The following CCSAP variants were observed in gnomAD, a reference collection of about 807,000 sequenced individuals.
CCSAP encodes the protein centriole, cilia and spindle associated protein.
In CCSAP, 17 loss-of-function variants were observed where a neutral mutation model predicts 25.9. The ratio of observed to expected loss-of-function variants is 0.66; its 90% confidence interval spans 0.45 to 0.99. The LOEUF (loss-of-function observed/expected upper bound fraction) is 0.99, where lower values mean the gene tolerates loss of function less well. Among genes scored for constraint, CCSAP ranks in the 50% least tolerant of loss-of-function variants. The pLI is 0.00. For synonymous variants in CCSAP, 169 were observed against 157.1 expected (o/e 1.08, Z -0.57); for missense variants, 339 against 367.8 (o/e 0.92, Z 0.64).
Position 229,323,999 on chromosome 1 carries a change from A to G in CCSAP, c.*1236T>C, listed in dbSNP as rs780242147. 1.3e-5 allele frequency: 2 copies of G among 152,626 alleles called. No homozygotes were observed. The highest frequency in any genetic ancestry group is 2.4e-5 in the African/African-American group (1 of 41,456). 9.5% of individuals were successfully genotyped at this position (152,626 alleles called of 1,614,324 possible). Reference sequence around the variant, plus strand: ...AGACATCATTCATTTGATGGAAACCAGTGTTTGTTAAAACCATTTTTCTAC... The same window carrying G: ...AGACATCATTCATTTGATGGAAACCGGTGTTTGTTAAAACCATTTTTCTAC... On this transcript the variant is annotated 3_prime_UTR_variant, in exon 4 of 4. Transcript: ENST00000284617.
intron 2 of CCSAP, among the ~76,000 whole-genome samples, chr1:229,341,875 A>T (rs1438840914): frequency 6.6e-6 from 1 of 151,822 alleles, no homozygotes; most frequent in Non-Finnish European, 1.5e-5. Context: ...GCTTCAATTG[A>T]GTTCACCGCT....
intron 2 of CCSAP, among the ~76,000 whole-genome samples, chr1:229,330,567 G>A (rs1230453270): frequency 6.6e-6 from 1 of 152,264 alleles, no homozygotes; most frequent in East Asian, 1.9e-4. Flanking sequence ...TGCAGGCCGG[G>A]CGCGGTGGCT....
chr1:229,338,897 G>T (rs1451636959), intron 2 of CCSAP, among the ~76,000 whole-genome samples: 2 of 151,936 alleles, frequency 1.3e-5, no homozygotes, highest in African/African-American at 2.4e-5. Flanking sequence ...AACAATTCAA[G>T]AGCTCTTACA....
intron 2 of CCSAP, among the ~76,000 whole-genome samples, chr1:229,331,725 C>T (rs1658070538): frequency 6.6e-6 from 1 of 151,846 alleles, no homozygotes; most frequent in Non-Finnish European, 1.5e-5. Context: ...ATGGAAGCTT[C>T]TCACCCCTTT....
intron 3 of CCSAP, among the ~76,000 whole-genome samples, chr1:229,326,398 G>A (rs1469726032): frequency 3.3e-5 from 5 of 152,348 alleles, no homozygotes; most frequent in Middle Eastern, 3.4e-3. Context: ...CAGATGGGCC[G>A]TCGCCAGCCT....
intron 2 of CCSAP, among the ~76,000 whole-genome samples, chr1:229,330,410 A>C (rs942630394): frequency 2.0e-5 from 3 of 152,210 alleles, no homozygotes; most frequent in Non-Finnish European, 4.4e-5. Context: ...GCCGGAAGAC[A>C]GGAGGTGCAA....
rs1419765601 is a variant in CCSAP at position 229,342,833 on chromosome 1, G to A, written c.-49+79C>T. 5.9e-6 allele frequency: 1 copy of A among 170,860 alleles called. No individual in the cohort carries two copies. Among genetic ancestry groups the A allele is most frequent in the East Asian group, 1.6e-4 (1 of 6,212 alleles). 10.6% of individuals were successfully genotyped at this position (170,860 alleles called of 1,614,324 possible). A position where few individuals can be genotyped will look rare whatever the true frequency, so the allele number is the denominator to read the frequency against. On this transcript the variant is annotated intron_variant, in intron 1 of 3. Coordinates refer to ENST00000284617, the MANE Select transcript of CCSAP (RefSeq NM_145257.5). This position sits in a 1 kb window ranked among gnomAD's most constrained non-coding sequence, Gnocchi z 7.5. ...AGGAGGAGCGAGGGAGGGGAGCGGC[G>A]GGGCCCGTGATCGGGTGGTCCTGGG...
Position 229,325,262 on chromosome 1 carries a change from G to A in CCSAP, c.786C>T (p.Tyr262=). 1 of 1,613,440 alleles carries A rather than the reference G, an allele frequency of 6.2e-7. No homozygotes were observed. ...AAGCTCTTGCCGAATAGCACCTCAT[G>A]TATTCTGTCATCCACGGGTTCTCTG... ...SSSENPWMTE[Y]MRCYSARA is the part of the protein sequence containing the mutation. The change falls in exon 4 of 4, where the codon TAC becomes TAT. Residue 262 remains tyrosine, a synonymous_variant. Transcript: ENST00000284617.
Position 229,328,479 on chromosome 1 carries a change from A to ATT in CCSAP, c.368-1475_368-1474dup, listed in dbSNP as rs1553304443. 2.6e-5 allele frequency among the ~76,000 whole-genome samples: 4 copies of ATT among 151,366 alleles called. No homozygotes were observed. In the South Asian group the frequency reaches 6.3e-4, roughly 24 times the overall value. On this transcript the variant is annotated intron_variant, in intron 2 of 3. Transcript: ENST00000284617. ...CCATGCCCAGGCAATTTACAAAAAA[A>ATT]TTTTTTTTGTAGAGATGGGTTCTTG...
intron 3 of CCSAP, among the ~76,000 whole-genome samples, chr1:229,325,750 G>A (rs534457214): frequency 2.4e-4 from 36 of 152,306 alleles, no homozygotes; most frequent in East Asian, 1.3e-3. Flanking sequence ...TTTAATTAAC[G>A]ACTTATAAAC....
intron 2 of CCSAP, among the ~76,000 whole-genome samples, chr1:229,327,935 A>C (rs945148023): frequency 1.1e-4 from 17 of 151,472 alleles, no homozygotes; most frequent in African/African-American, 4.1e-4. Context: ...AACGGAAATT[A>C]CCCCATGAAA....
chr1:229,326,146 G>T (rs564785709), intron 3 of CCSAP, among the ~76,000 whole-genome samples: 1 of 152,270 alleles, frequency 6.6e-6, no homozygotes, highest in East Asian at 1.9e-4. Context: ...AATGTTTCCG[G>T]GTCTTGACAC....
rs989719080 is a variant in CCSAP at position 229,322,048 on chromosome 1, GA to G, written c.*3186del. 3 of 152,210 alleles carry G rather than the reference GA, an allele frequency of 2.0e-5. No individual in the cohort carries two copies. Among genetic ancestry groups the G allele is most frequent in the Non-Finnish European group, 4.4e-5 (3 of 68,028 alleles). 9.4% of individuals were successfully genotyped at this position (152,210 alleles called of 1,614,324 possible). A position where few individuals can be genotyped will look rare whatever the true frequency, so the allele number is the denominator to read the frequency against. ...TATGCAAATACTACACCATTTTATA[GA>G]AGGGGTTTGAGTATCCATGGAGTTT... On this transcript the variant is annotated 3_prime_UTR_variant, in exon 4 of 4. Coordinates refer to ENST00000284617, the MANE Select transcript of CCSAP (RefSeq NM_145257.5).
intron 2 of CCSAP, among the ~76,000 whole-genome samples, chr1:229,330,198 C>A (rs552874899): frequency 6.6e-6 from 1 of 152,314 alleles, no homozygotes; most frequent in East Asian, 1.9e-4. Context: ...TCTGTGGCTC[C>A]TGCAGGTGTT....
intron 2 of CCSAP, among the ~76,000 whole-genome samples, chr1:229,337,678 A>AAAAAAAAAAAATATAT: frequency 4.3e-4 from 28 of 65,494 alleles, no homozygotes; most frequent in East Asian, 9.5e-4. Flanking sequence ...CTCAAAAAAA[A>AAAAAAAAAAAATATAT]ATATATATAT....
At chr1:229,330,618 G>A (rs1402521616) in intron 2 of CCSAP, among the ~76,000 whole-genome samples, 4 of 152,148 alleles carry the variant, frequency 2.6e-5, no homozygotes, top group Non-Finnish European at 5.9e-5. Context: ...CGAGGCGGGC[G>A]GATCACGAGG....
chr1:229,337,690 T>TATATACAC (rs1658225233), intron 2 of CCSAP, among the ~76,000 whole-genome samples: 1 of 48,388 alleles, frequency 2.1e-5, no homozygotes, highest in Non-Finnish European at 4.5e-5. Flanking sequence ...TATATATATA[T>TATATACAC]ATATATATAC....
In CCSAP at chr1:229,326,741, G is replaced by A. The variant is rs751044913; in HGVS notation, c.633C>T (p.His211=). 25 of 1,613,938 alleles carry A rather than the reference G, an allele frequency of 1.5e-5. No homozygotes were observed. In the South Asian group the frequency reaches 1.6e-4, roughly 11 times the overall value. ...ACCACAAGGGCCCAGAGCGCACCTC[G>A]TGCACAGGAGCGGACGCACAGACGT... is the stretch of plus-strand genomic sequence containing the variant. ...THNVCASAPV[H]EIHESALRAK... Residue 211 remains histidine, a synonymous_variant, in exon 3 of 4, where the codon CAC becomes CAT. Coordinates refer to ENST00000284617, the MANE Select transcript of CCSAP (RefSeq NM_145257.5).
At chr1:229,339,863 C>T (rs238080) in intron 2 of CCSAP, among the ~76,000 whole-genome samples, 47,479 of 151,966 alleles carry the variant, frequency 0.31, 7,727 homozygotes, top group East Asian at 0.41. Flanking sequence ...TCTATGAGGA[C>T]TGTATTGTGC....
Sources: allele counts gnomAD v4.1 joint callset (sites outside exome capture counted in the v4.1 genomes callset), GRCh38; gene constraint gnomAD v4.1.1; non-coding constraint Gnocchi (gnomAD v3.1); transcripts MANE v1.5; gene names NCBI Gene and HGNC (gene_info 2026-07-23, HGNC 2026-07-21).